Variants in PHLPP2 observed in about 807,000 individuals in gnomAD.
PHLPP2 encodes PH domain leucine-rich repeat-containing protein phosphatase 2.
In PHLPP2, 66 loss-of-function variants were observed where a neutral mutation model predicts 124.9. The ratio of observed to expected loss-of-function variants is 0.53; its 90% confidence interval spans 0.43 to 0.65. PHLPP2 has a LOEUF of 0.65. PHLPP2 is among the 30% of genes least tolerant of loss of function. The pLI is 0.00. For missense variants in PHLPP2, 1,685 were observed against 1,600.4 expected (o/e 1.05, Z -0.90); for synonymous variants, 681 against 624.7 (o/e 1.09, Z -1.34).
In PHLPP2 at chr16:71,648,957, C is replaced by T. The variant is rs192113290; in HGVS notation, c.3905G>A (p.Arg1302Gln). The T allele has an allele frequency of 4.3e-6, 7 of 1,613,836 alleles. No homozygotes were observed. The highest frequency in any genetic ancestry group is 5.1e-6 in the Non-Finnish European group (6 of 1,180,014). The change falls in exon 19 of 19, where the codon CGG (arginine) becomes CAG (glutamine). Residue 1302 changes from arginine (R) to glutamine (Q), a missense_variant. Physicochemically the swap from Arg to Gln is conservative, Grantham distance 43 (BLOSUM62 1). Coordinates refer to ENST00000568954, the MANE Select transcript of PHLPP2 (RefSeq NM_015020.3). Reference protein sequence around the residue: ...KEQMKQHQDSRLEPEPHEEDR... With the variant: ...KEQMKQHQDSQLEPEPHEEDR... ...CTCTTCATGGGGCTCAGGCTCGAGC[C>T]GGCTGTCCTGGTGCTGTTTCATTTG... is the stretch of plus-strand genomic sequence containing the variant.
intron 11 of PHLPP2, 23 bp from the exon 12 acceptor site, chr16:71,667,356 A>C (rs761077807): frequency 1.9e-6 from 3 of 1,585,780 alleles, no homozygotes; most frequent in South Asian, 1.1e-5. Context: ...CATACAAACA[A>C]ACACATTAAA....
At chr16:71,719,964 A>ATTTTTTTTTTTTTTTTTTTTTTTTTTT (rs756642820) in intron 1 of PHLPP2, among the ~76,000 whole-genome samples, 2 of 53,250 alleles carry the variant, frequency 3.8e-5, no homozygotes, top group African/African-American at 1.7e-4. Flanking sequence ...TGCCCAGCTA[A>ATTTTTTTTTTTTTTTTTTTTTTTTTTT]TTTTTTTTTT....
At chr16:71,678,541 G>A in intron 8 of PHLPP2, 1 of 516,564 alleles carries the variant, frequency 1.9e-6, no homozygotes, top group Non-Finnish European at 3.5e-6. Context: ...TCGGGAGGCT[G>A]AGGTGGGAGA....
chr16:71,685,625 T>C (rs1474679057), intron 4 of PHLPP2, among the ~76,000 whole-genome samples: 1 of 152,252 alleles, frequency 6.6e-6, no homozygotes, highest in Non-Finnish European at 1.5e-5. Flanking sequence ...CATTTTTCAT[T>C]AGTAACAAAT....
chr16:71,655,090 A>G, intron 17 of PHLPP2, 150 bp downstream of exon 17: 2 of 613,604 alleles, frequency 3.3e-6, no homozygotes, highest in East Asian at 5.3e-5. Context: ...CCCGCACTCC[A>G]TGCTCATATA....
intron 14 of PHLPP2, 113 bp downstream of exon 14, chr16:71,658,540 A>C: frequency 7.9e-7 from 1 of 1,268,464 alleles, no homozygotes; most frequent in Non-Finnish European, 1.1e-6. Context: ...ATTTTTCCTT[A>C]TAAGAATAAT....
At chr16:71,678,689 T>A (rs1455582873) in intron 8 of PHLPP2, 66 bp downstream of exon 8, 3 of 866,366 alleles carry the variant, frequency 3.5e-6, no homozygotes, top group Non-Finnish European at 5.8e-6. Context: ...CAAATCTTCA[T>A]AAACAGAAGA....
chr16:71,712,073 C>G (rs1030765316), intron 2 of PHLPP2, among the ~76,000 whole-genome samples: 2 of 152,208 alleles, frequency 1.3e-5, no homozygotes, highest in African/African-American at 4.8e-5. Flanking sequence ...CTCAATCTTC[C>G]TCATCTAAAA....
At chr16:71,661,796 G>A (rs535151722) in intron 13 of PHLPP2, among the ~76,000 whole-genome samples, 15 of 152,070 alleles carry the variant, frequency 9.9e-5, no homozygotes, top group Non-Finnish European at 5.9e-5. Flanking sequence ...ACAACACAGC[G>A]AGATCCCACC....
At chr16:71,691,922 C>A (rs2045117348) in intron 3 of PHLPP2, among the ~76,000 whole-genome samples, 1 of 151,696 alleles carries the variant, frequency 6.6e-6, no homozygotes, top group Non-Finnish European at 1.5e-5. Flanking sequence ...ATAGTAAGAC[C>A]CTGTGTCTTA....
chr16:71,653,046 A>T, intron 17 of PHLPP2, 25 bp from the exon 18 acceptor site: 1 of 1,504,032 alleles, frequency 6.6e-7, no homozygotes. Context: ...AAGGAAAAGA[A>T]GACGTGGTGG....
rs1176164081 is a variant in PHLPP2, at chr16:71,658,262, A to G, written c.2250T>C (p.Val750=). ...DLDLTGNTNL[V]LEHKTLDIFS... ...ATATGTCCAGTGTCTTGTGTTCCAG[A>G]ACCAGATTTGTATTTCCAGTCAGGT... The change falls in exon 15 of 19, where the codon GTT becomes GTC. Residue 750 remains valine (V), a synonymous_variant. Transcript: ENST00000568954. The G allele has an allele frequency of 4.3e-6, 7 of 1,613,978 alleles. No individual in the cohort carries two copies. The highest frequency in any genetic ancestry group is 5.9e-6 in the Non-Finnish European group (7 of 1,179,918).
intron 13 of PHLPP2, among the ~76,000 whole-genome samples, chr16:71,659,884 T>G (rs1284373671): frequency 6.6e-6 from 1 of 152,192 alleles, no homozygotes; most frequent in Non-Finnish European, 1.5e-5. Flanking sequence ...AAGAATCACT[T>G]TTATCATTTT....
Position 71,676,684 on chromosome 16 carries a change from AAG to A in PHLPP2, c.1269-37_1269-36del, listed in dbSNP as rs368863378. ...CAGAAACAAGAAAATAATCATAAAT[AAG>A]AGTCTATTAAATGTGCTTACCAGAA... On this transcript the variant is annotated intron_variant, in intron 8 of 18. Transcript: ENST00000568954. The A allele has an allele frequency of 3.9e-3, 5,667 of 1,438,262 alleles. 21 individuals carry two copies. Among genetic ancestry groups the A allele is most frequent in the Middle Eastern group, 9.8e-3 (56 of 5,722 alleles). The allele number at this position is 1,438,262 out of a possible 1,614,324, so 89.1% of individuals were successfully genotyped here.
intron 2 of PHLPP2, among the ~76,000 whole-genome samples, chr16:71,712,940 G>T (rs1440990934): frequency 6.6e-6 from 1 of 152,060 alleles, no homozygotes; most frequent in Admixed American, 6.6e-5. Context: ...TCATGGTCAG[G>T]CATTTAAAGA....
intron 2 of PHLPP2, among the ~76,000 whole-genome samples, chr16:71,706,403 A>G (rs904699641): frequency 1.3e-5 from 2 of 152,226 alleles, no homozygotes; most frequent in Non-Finnish European, 2.9e-5. Context: ...TCCAAGTATC[A>G]TTTCACAAGA....
At chr16:71,657,713 A>T (rs1235536420) in intron 15 of PHLPP2, among the ~76,000 whole-genome samples, 1 of 152,224 alleles carries the variant, frequency 6.6e-6, no homozygotes, top group Admixed American at 6.5e-5. Context: ...ATCTTTTAAT[A>T]AAATAATCTA....
intron 17 of PHLPP2, 65 bp downstream of exon 17, chr16:71,655,174 TG>T: frequency 9.3e-7 from 1 of 1,077,178 alleles, no homozygotes; most frequent in Non-Finnish European, 1.4e-6. Context: ...CCTGACCTTC[TG>T]GTTTAGAAAA....
chr16:71,685,372 T>C (rs2045045810), intron 4 of PHLPP2, among the ~76,000 whole-genome samples: 1 of 152,086 alleles, frequency 6.6e-6, no homozygotes, highest in Non-Finnish European at 1.5e-5. Flanking sequence ...ACTCAACCTA[T>C]ATAGCTTTGA....
Sources: gnomAD v4.1 joint callset for allele counts (sites outside exome capture counted in the v4.1 genomes callset) on GRCh38, gnomAD v4.1.1 for gene constraint, MANE v1.5 for transcripts, NCBI Gene and HGNC (gene_info 2026-07-23, HGNC 2026-07-21) for gene names.